The following CENPE variants were observed in gnomAD, a reference collection of about 807,000 sequenced individuals.
The protein encoded by CENPE is centromere-associated protein E.
In CENPE, 145 loss-of-function variants were observed where a neutral mutation model predicts 336.1. That is an observed-to-expected ratio of 0.43 (90% CI 0.38 to 0.50). CENPE has a LOEUF of 0.50. Ranked by LOEUF, CENPE falls within the 20% of genes least tolerant of loss-of-function variation. The probability of loss-of-function intolerance (pLI) is 0.00; values close to 1 mark genes in which losing one functional copy is unlikely to be tolerated. For synonymous variants in CENPE, 1,013 were observed against 984.8 expected (o/e 1.03, Z -0.54); for missense variants, 2,719 against 3,023.3 (o/e 0.90, Z 2.36).
At chr4:103,127,658 GTTA>G (rs1400155737) in intron 42 of CENPE, among the ~76,000 whole-genome samples, 1 of 152,112 alleles carries the variant, frequency 6.6e-6, no homozygotes, top group Non-Finnish European at 1.5e-5. Context: ...TAAATATTTT[GTTA>G]TTATAAGGTA....
At chr4:103,183,916 A>G (rs1186975146) in intron 9 of CENPE, among the ~76,000 whole-genome samples, 1 of 152,144 alleles carries the variant, frequency 6.6e-6, no homozygotes, top group Non-Finnish European at 1.5e-5. Flanking sequence ...CTCACTTGGC[A>G]ACATATCTTG....
At chr4:103,152,986 T>G (rs921290221) in intron 25 of CENPE, 61 bp downstream of exon 25, 21 of 1,251,070 alleles carry the variant, frequency 1.7e-5, no homozygotes, top group African/African-American at 3.0e-5. Context: ...ATAAAGTTGA[T>G]AAAAATCTGA....
intron 16 of CENPE, among the ~76,000 whole-genome samples, chr4:103,163,886 G>A (rs1472696687): frequency 1.3e-5 from 2 of 151,984 alleles, no homozygotes; most frequent in Non-Finnish European, 1.5e-5. Flanking sequence ...TTTAAAAAGT[G>A]GTAATCAAAC....
chr4:103,123,453 T>C (rs1189370073), intron 42 of CENPE, among the ~76,000 whole-genome samples: 4 of 152,200 alleles, frequency 2.6e-5, no homozygotes. Flanking sequence ...AGAGTAGTAA[T>C]GCTGGCAATT....
Sources: allele counts gnomAD v4.1 joint callset (sites outside exome capture counted in the v4.1 genomes callset), GRCh38; gene constraint gnomAD v4.1.1; transcripts MANE v1.5; gene names NCBI Gene and HGNC (gene_info 2026-07-23, HGNC 2026-07-21).